The following ALOX5AP variants were observed in gnomAD, a reference collection of about 807,000 sequenced individuals.
ALOX5AP encodes arachidonate 5-lipoxygenase activating protein.
In ALOX5AP, 9 loss-of-function variants were observed where a neutral mutation model predicts 18.5. The observed-to-expected ratio is 0.49, with a 90% CI of 0.29 to 0.85. The LOEUF is 0.85. Among genes scored for constraint, ALOX5AP ranks in the 40% least tolerant of loss-of-function variants. The probability of loss-of-function intolerance (pLI) is 0.08; values close to 1 mark genes in which losing one functional copy is unlikely to be tolerated. For synonymous variants in ALOX5AP, 81 were observed against 78.6 expected, an observed-to-expected ratio of 1.03 and a Z score of -0.16; for missense variants, 172 against 202.5, an observed-to-expected ratio of 0.85 and a Z score of 0.91.
upstream of ALOX5AP, among the ~76,000 whole-genome samples, chr13:30,732,588 G>T (rs75433830): frequency 2.6e-5 from 4 of 152,120 alleles, no homozygotes; most frequent in African/African-American, 9.7e-5. Flanking sequence ...CCTGCCATCT[G>T]GTTGACCTCT....
chr13:30,715,981 G>T (rs542764723), intron 1 of ALOX5AP, among the ~76,000 whole-genome samples: 14 of 152,170 alleles, frequency 9.2e-5, no homozygotes, highest in Non-Finnish European at 1.8e-4. Context: ...CTGCCATTGA[G>T]CCCGGGCTCC....
At chr13:30,740,422 G>A (rs571324649) in intron 1 of ALOX5AP, among the ~76,000 whole-genome samples, 9 of 152,184 alleles carry the variant, frequency 5.9e-5, no homozygotes, top group Non-Finnish European at 1.2e-4. Context: ...GCCCACGTAC[G>A]GCGGATGCCT....
chr13:30,756,053 G>C, intron 4 of ALOX5AP, 28 bp downstream of exon 4: 2 of 1,599,106 alleles, frequency 1.3e-6, no homozygotes, highest in Non-Finnish European at 1.7e-6. Context: ...CTAAAGAACT[G>C]TGGAGCGATT....
chr13:30,749,198 C>T (rs1723502615), intron 2 of ALOX5AP, among the ~76,000 whole-genome samples: 1 of 152,176 alleles, frequency 6.6e-6, no homozygotes, highest in Non-Finnish European at 1.5e-5. Flanking sequence ...TGGTTGAATA[C>T]GGACCCAATG....
upstream of ALOX5AP, among the ~76,000 whole-genome samples, chr13:30,732,526 C>T (rs1951689614): frequency 6.6e-6 from 1 of 152,168 alleles, no homozygotes; most frequent in African/African-American, 2.4e-5. Flanking sequence ...CGGGATTAGT[C>T]AGTCCCCCTC....
At chr13:30,716,398 T>C (rs2137782893) in intron 1 of ALOX5AP, among the ~76,000 whole-genome samples, 1 of 152,366 alleles carries the variant, frequency 6.6e-6, no homozygotes, top group African/African-American at 2.4e-5. Context: ...TTACTCAACA[T>C]GTGCTCCAAG....
intron 1 of ALOX5AP, among the ~76,000 whole-genome samples, chr13:30,728,970 G>A (rs1951659286): frequency 6.6e-6 from 1 of 152,150 alleles, no homozygotes; most frequent in Admixed American, 6.6e-5. Context: ...CCATACCCTT[G>A]CTGACCATTC....
At chr13:30,716,354 AAC>A (rs1951550120) in intron 1 of ALOX5AP, among the ~76,000 whole-genome samples, 1 of 152,170 alleles carries the variant, frequency 6.6e-6, no homozygotes, top group African/African-American at 2.4e-5. Context: ...TTTAACATGT[AAC>A]ACAGTTTGGA....
Position 30,735,587 on chromosome 13 carries a change from T to G in ALOX5AP, c.-19T>G. 1 of 1,614,076 alleles carries G rather than the reference T, an allele frequency of 6.2e-7. No individual in the cohort carries two copies. The highest frequency in any genetic ancestry group is 8.5e-7 in the Non-Finnish European group (1 of 1,179,994). On this transcript the variant is annotated 5_prime_UTR_variant, in exon 1 of 5. Transcript: ENST00000380490. ...CAGCTGGAGGCAGAGCAGTCCTCTC[T>G]GGGGAGCCTGAAGCAAACATGGATC...
At chr13:30,726,681 A>C (rs1951641990) in intron 1 of ALOX5AP, among the ~76,000 whole-genome samples, 1 of 152,172 alleles carries the variant, frequency 6.6e-6, no homozygotes, top group Non-Finnish European at 1.5e-5. Context: ...ATTTGTGCAT[A>C]TATTAACCAG....
chr13:30,733,816 T>C (rs981834110), upstream of ALOX5AP, among the ~76,000 whole-genome samples: 2 of 151,312 alleles, frequency 1.3e-5, no homozygotes, highest in Non-Finnish European at 2.9e-5. Flanking sequence ...TCTCCTGCCC[T>C]TGGACACTGG....
intron 2 of ALOX5AP, among the ~76,000 whole-genome samples, chr13:30,750,707 C>T (rs968612374): frequency 3.3e-5 from 5 of 152,184 alleles, no homozygotes; most frequent in Non-Finnish European, 5.9e-5. Flanking sequence ...TGTTATGTTA[C>T]ATGGCAAGGG....
At chr13:30,741,704 T>G (rs1951766921) in intron 1 of ALOX5AP, among the ~76,000 whole-genome samples, 1 of 152,010 alleles carries the variant, frequency 6.6e-6, no homozygotes, top group Non-Finnish European at 1.5e-5. Context: ...CCACTGTGTG[T>G]GGCCTAGATT....
At chr13:30,743,215 C>G (rs369600166) in intron 1 of ALOX5AP, among the ~76,000 whole-genome samples, 1 of 152,006 alleles carries the variant, frequency 6.6e-6, no homozygotes, top group South Asian at 2.1e-4. Context: ...TTGAGGCTCA[C>G]GACCCCACCT....
At chr13:30,756,293 T>A (rs1198943037) in intron 4 of ALOX5AP, among the ~76,000 whole-genome samples, 3 of 152,190 alleles carry the variant, frequency 2.0e-5, no homozygotes, top group Non-Finnish European at 2.9e-5. Context: ...TGCTGTTTGC[T>A]GCACGTGCCT....
At chr13:30,735,397 C>T (rs1951711924), upstream of ALOX5AP, 5 of 1,049,504 alleles carry the variant, frequency 4.8e-6, no homozygotes, top group South Asian at 1.8e-5. Context: ...CCTGGTGGGA[C>T]ACACTGAACC....
intron 2 of ALOX5AP, among the ~76,000 whole-genome samples, chr13:30,748,091 G>A (rs1203748901): frequency 6.6e-6 from 1 of 151,828 alleles, no homozygotes; most frequent in African/African-American, 2.4e-5. Context: ...GCTAATTTTT[G>A]TATCTTTAGT....
rs1251167075 is a variant in ALOX5AP, at chr13:30,715,123, A to G, written c.116+1282A>G. On this transcript the variant is annotated intron_variant, in intron 1 of 5. Coordinates refer to the ALOX5AP transcript ENST00000617770. ...TGAGTCCCCTGGTCATTCAGAAACAATTGGGTTTCCCTGGCTTTGGAGCCT... is the reference window on the plus strand; with the variant it reads ...TGAGTCCCCTGGTCATTCAGAAACAGTTGGGTTTCCCTGGCTTTGGAGCCT... Among the ~76,000 whole-genome samples the G allele has an allele frequency of 4.6e-5, 7 of 152,122 alleles. No individual in the cohort carries two copies. The South Asian group carries it at 6.2e-4, about 14-fold the overall frequency.
intron 1 of ALOX5AP, among the ~76,000 whole-genome samples, chr13:30,730,385 A>T (rs1951671774): frequency 6.6e-6 from 1 of 152,232 alleles, no homozygotes; most frequent in South Asian, 2.1e-4. Context: ...TGACATCTGG[A>T]ACAGACCATG....
Sources: allele counts gnomAD v4.1 joint callset (sites outside exome capture counted in the v4.1 genomes callset), GRCh38; gene constraint gnomAD v4.1.1; transcripts MANE v1.5; gene names NCBI Gene and HGNC (gene_info 2026-07-23, HGNC 2026-07-21).